Variants in TRIM24 observed in about 807,000 individuals in gnomAD.
TRIM24 encodes the protein transcription intermediary factor 1-alpha.
A neutral mutation model predicts 123.9 loss-of-function variants in TRIM24; 29 were observed. That is an observed-to-expected ratio of 0.23 (90% CI 0.17 to 0.32). TRIM24 has a LOEUF of 0.32. Among genes scored for constraint, TRIM24 ranks in the 10% least tolerant of loss-of-function variants. The probability of loss-of-function intolerance (pLI) is 1.00; values close to 1 mark genes in which losing one functional copy is unlikely to be tolerated. For synonymous variants in TRIM24, 456 were observed against 461.1 expected (o/e 0.99, Z 0.14); for missense variants, 932 against 1,295.3 (o/e 0.72, Z 4.31).
Position 138,586,048 on chromosome 7 carries a change from C to A in TRIM24, c.*1097C>A, listed in dbSNP as rs959886930. On this transcript the variant is annotated 3_prime_UTR_variant, in exon 19 of 19. Transcript: ENST00000343526. ...TATCTCATGTTTTTCTTTTGAGAGT[C>A]AGAACATCAAACTTAATCTTTGATC... is the stretch of plus-strand genomic sequence containing the variant. 4 of 428,726 alleles carry A rather than the reference C, an allele frequency of 9.3e-6. No homozygotes were observed. The highest frequency in any genetic ancestry group is 4.3e-4 in the Middle Eastern group (1 of 2,346). 26.6% of individuals were successfully genotyped at this position (428,726 alleles called of 1,614,324 possible).
intron 1 of TRIM24, among the ~76,000 whole-genome samples, chr7:138,495,609 A>AT (rs1795888206): frequency 1.3e-5 from 2 of 151,206 alleles, no homozygotes; most frequent in Non-Finnish European, 2.9e-5. Context: ...TGGTATATTT[A>AT]TTTTCTTTAT....
chr7:138,500,245 G>C lies in TRIM24; in HGVS notation c.365-4045G>C, dbSNP rs190021314. 2.0e-5 allele frequency among the ~76,000 whole-genome samples: 3 copies of C among 152,156 alleles called. No individual in the cohort carries two copies. The East Asian group carries it at 5.8e-4, about 29-fold the overall frequency. On this transcript the variant is annotated intron_variant, in intron 1 of 18. Coordinates refer to ENST00000343526, the MANE Select transcript of TRIM24 (RefSeq NM_015905.3). ...TTCACATCTCAAAACCCAAAAACTT[G>C]AAACATTTCATTTGTAGAAAAAAGG...
chr7:138,465,373 T>G (rs1057247864), intron 1 of TRIM24, among the ~76,000 whole-genome samples: 1 of 152,204 alleles, frequency 6.6e-6, no homozygotes, highest in South Asian at 2.1e-4. Flanking sequence ...AAACTGATCT[T>G]AGAGAAATGT....
rs1172478099 is a variant in TRIM24, at chr7:138,460,574, TGGC to T, written c.36_38del (p.Ala15del). 2.3e-6 allele frequency: 3 copies of T among 1,313,994 alleles called. No homozygotes were observed. The highest frequency in any genetic ancestry group is 1.9e-6 in the Non-Finnish European group (2 of 1,042,086). 81.4% of individuals were successfully genotyped at this position (1,313,994 alleles called of 1,614,324 possible). On this transcript the variant is annotated inframe_deletion, in exon 1 of 19. Coordinates refer to ENST00000343526, the MANE Select transcript of TRIM24 (RefSeq NM_015905.3). ...ATGGAGGTGGCGGTGGAGAAGGCGGTGGCGGCGGCGGCAGCGGCCTCGGCTGCG... is the reference window on the plus strand; with the variant it reads ...ATGGAGGTGGCGGTGGAGAAGGCGGTGGCGGCGGCAGCGGCCTCGGCTGCG...
At chr7:138,561,724 C>T (rs1308387272) in intron 9 of TRIM24, among the ~76,000 whole-genome samples, 3 of 152,172 alleles carry the variant, frequency 2.0e-5, no homozygotes, top group Non-Finnish European at 4.4e-5. Flanking sequence ...AATTCCTTTT[C>T]ACTCATGGAC....
chr7:138,519,893 G>A (rs995670309), intron 4 of TRIM24, among the ~76,000 whole-genome samples: 6 of 151,994 alleles, frequency 3.9e-5, no homozygotes, highest in Admixed American at 2.6e-4. Context: ...TCATTCAAAG[G>A]TCAGCAACAG....
At chr7:138,580,353 ATGTT>A (rs1243120089) in intron 15 of TRIM24, among the ~76,000 whole-genome samples, 1 of 151,566 alleles carries the variant, frequency 6.6e-6, no homozygotes, top group Non-Finnish European at 1.5e-5. Flanking sequence ...CTAGATTTTG[ATGTT>A]TGTTAGGCCC....
intron 4 of TRIM24, among the ~76,000 whole-genome samples, chr7:138,522,650 AT>A (rs200586676): frequency 1.9e-4 from 29 of 149,562 alleles, no homozygotes; most frequent in African/African-American, 4.6e-4. Flanking sequence ...AAACAAAGTC[AT>A]TTTTTTTTTA....
In TRIM24 at chr7:138,577,556, C is replaced by A; in HGVS notation, c.2224C>A (p.Gln742Lys). 1.2e-6 allele frequency: 2 copies of A among 1,607,822 alleles called. No individual in the cohort carries two copies. Among genetic ancestry groups the A allele is most frequent in the Non-Finnish European group, 1.7e-6 (2 of 1,177,446 alleles). ...NYDFPVVIVK[Q>K]ESDEESRPQN... ...TGATTTCCCTGTTGTTATAGTGAAG[C>A]AAGAATCAGATGAAGAATCTAGGCC... The change falls in exon 14 of 19, where the codon CAA (glutamine) becomes AAA (lysine). Residue 742 changes from glutamine to lysine, a missense_variant. Transcript: ENST00000343526.
Position 138,525,238 on chromosome 7 carries a change from C to T in TRIM24, c.765-3C>T. On this transcript the variant is annotated splice_polypyrimidine_tract_variant and splice_region_variant and intron_variant, in intron 4 of 18. Transcript: ENST00000343526. ...ATATGAAATAATTTGCTTATTTCTT[C>T]AGATACCAATTTATAGAAGAAGCTT... The T allele has an allele frequency of 1.4e-6, 2 of 1,413,554 alleles. No homozygotes were observed. Among genetic ancestry groups the T allele is most frequent in the Non-Finnish European group, 1.9e-6 (2 of 1,058,690 alleles). The allele number at this position is 1,413,554 out of a possible 1,614,324, so 87.6% of individuals were successfully genotyped here. A position where few individuals can be genotyped will look rare whatever the true frequency, so the allele number is the denominator to read the frequency against.
chr7:138,511,787 T>C (rs1796293213), intron 2 of TRIM24, among the ~76,000 whole-genome samples: 1 of 152,150 alleles, frequency 6.6e-6, no homozygotes, highest in Non-Finnish European at 1.5e-5. Flanking sequence ...CCCTCCCAAA[T>C]GTAATGTCCT....
chr7:138,578,706 G>C (rs1002684185), intron 14 of TRIM24, among the ~76,000 whole-genome samples: 2 of 152,210 alleles, frequency 1.3e-5, no homozygotes, highest in African/African-American at 4.8e-5. Context: ...GTAAACAGCA[G>C]AAGAAAAAGC....
chr7:138,575,308 TTTGA>T (rs1358552944), intron 12 of TRIM24, among the ~76,000 whole-genome samples: 2 of 152,098 alleles, frequency 1.3e-5, no homozygotes, highest in African/African-American at 2.4e-5. Context: ...TAGCCATTGT[TTTGA>T]TTGATTTTGA....
chr7:138,477,002 T>C (rs1244869943), intron 1 of TRIM24, among the ~76,000 whole-genome samples: 2 of 152,152 alleles, frequency 1.3e-5, no homozygotes, highest in Non-Finnish European at 2.9e-5. Flanking sequence ...CATGATGTAC[T>C]GTTAAGTAGA....
rs553075216 is a variant in TRIM24, at chr7:138,463,057, T to G, written c.364+2145T>G. Among the ~76,000 whole-genome samples, 594 of 143,412 alleles carry G rather than the reference T, an allele frequency of 4.1e-3. 9 individuals are homozygous for G. The highest frequency in any genetic ancestry group is 0.015 in the African/African-American group (568 of 38,934). The allele number at this position is 143,412 out of a possible 152,430, so 94.1% of individuals were successfully genotyped here. The stretch of plus-strand genomic sequence containing the variant: ...GCTAATTTTGTGTTTTTTTTTTTTT[T>G]TTTTTTTTTTTTGGTAGAGGCGGGG... On this transcript the variant is annotated intron_variant, in intron 1 of 18. Coordinates refer to ENST00000343526, the MANE Select transcript of TRIM24 (RefSeq NM_015905.3).
chr7:138,578,034 ACAGCAGCAG>A (rs751612321), intron 14 of TRIM24, among the ~76,000 whole-genome samples: 72 of 152,030 alleles, frequency 4.7e-4, no homozygotes, highest in Non-Finnish European at 9.7e-4. Flanking sequence ...AACCCCCAGT[ACAGCAGCAG>A]CAGCAGCTTG....
chr7:138,571,282 G>A (rs927395707), intron 11 of TRIM24, among the ~76,000 whole-genome samples: 33 of 152,336 alleles, frequency 2.2e-4, no homozygotes, highest in African/African-American at 7.2e-4. Flanking sequence ...CTAACAGAGC[G>A]AGACCCTGTC....
chr7:138,517,422 G>C (rs2116560899), intron 3 of TRIM24, among the ~76,000 whole-genome samples: 1 of 151,860 alleles, frequency 6.6e-6, no homozygotes, highest in Admixed American at 6.5e-5. Context: ...CCAGACTGGA[G>C]TGCAGTGGTG....
intron 7 of TRIM24, among the ~76,000 whole-genome samples, chr7:138,541,961 G>C (rs1408719587): frequency 6.6e-6 from 1 of 152,130 alleles, no homozygotes; most frequent in African/African-American, 2.4e-5. Context: ...TTCTTTTGCA[G>C]CTTCCTCACC....
Sources: gnomAD v4.1 joint callset for allele counts (sites outside exome capture counted in the v4.1 genomes callset) on GRCh38, gnomAD v4.1.1 for gene constraint, MANE v1.5 for transcripts, NCBI Gene and HGNC (gene_info 2026-07-23, HGNC 2026-07-21) for gene names.